SRGAP2: variants seen among roughly 807,000 people sequenced by gnomAD.
SRGAP2 encodes the protein SLIT-ROBO Rho GTPase activating protein 2.
Under a neutral mutation model 57.2 loss-of-function variants are expected in SRGAP2, and 15 were observed. That is an observed-to-expected ratio of 0.26 (90% CI 0.18 to 0.40). The LOEUF (loss-of-function observed/expected upper bound fraction) is 0.40, where lower values mean the gene tolerates loss of function less well. Ranked by LOEUF, SRGAP2 falls within the 10% of genes least tolerant of loss-of-function variation. The pLI, the probability that SRGAP2 is intolerant of heterozygous loss-of-function variation, is 1.00. For missense variants in SRGAP2, 520 were observed against 669.6 expected (o/e 0.78, Z 2.47); for synonymous variants, 249 against 248.0 (o/e 1.00, Z -0.04).
intron 2 of SRGAP2, among the ~76,000 whole-genome samples, chr1:206,283,504 T>C (rs1670848362): frequency 6.6e-6 from 1 of 150,980 alleles, no homozygotes. Flanking sequence ...TGTAACCCCA[T>C]CTCTACTAAA....
chr1:206,393,536 C>T lies in SRGAP2; in HGVS notation c.703-9C>T, dbSNP rs377521013. 2.4e-3 allele frequency: 1,834 copies of T among 778,448 alleles called. 24 individuals are homozygous for T. The African/African-American group carries it at 0.028, about 12-fold the overall frequency. 48.2% of individuals were successfully genotyped at this position (778,448 alleles called of 1,614,324 possible). On this transcript the variant is annotated splice_polypyrimidine_tract_variant and intron_variant, in intron 6 of 22. Coordinates refer to ENST00000573034, the MANE Select transcript of SRGAP2 (RefSeq NM_015326.5). The stretch of plus-strand genomic sequence containing the variant: ...AAAAGGTAAAAGTGAACTTCTGTTT[C>T]CTTTTCAGCGTCAAGCCAAGTACAC...
intron 4 of SRGAP2, among the ~76,000 whole-genome samples, chr1:206,373,158 C>CA (rs1654878166): frequency 7.4e-6 from 1 of 135,680 alleles, no homozygotes; most frequent in Non-Finnish European, 1.5e-5. Context: ...GGCAGTAGTG[C>CA]AATCTCAGCT....
At chr1:206,415,512 G>A (rs1184153780) in intron 10 of SRGAP2, among the ~76,000 whole-genome samples, 1 of 152,180 alleles carries the variant, frequency 6.6e-6, no homozygotes, top group African/African-American at 2.4e-5. Context: ...GAGGGGCCAG[G>A]GCAGGGTGGG....
intron 14 of SRGAP2, among the ~76,000 whole-genome samples, chr1:206,434,549 G>T (rs1055476718): frequency 1.3e-5 from 2 of 152,176 alleles, no homozygotes; most frequent in Admixed American, 1.3e-4. Flanking sequence ...GTTATGTAAG[G>T]ATTCGCCTGC....
intron 21 of SRGAP2, among the ~76,000 whole-genome samples, chr1:206,457,643 C>T (rs1553378895): frequency 6.6e-6 from 1 of 152,184 alleles, no homozygotes; most frequent in Non-Finnish European, 1.5e-5. Flanking sequence ...GGTCCTGGGC[C>T]AGGCCCTGCA....
In SRGAP2 at chr1:206,462,499, C is replaced by T. The variant is rs1664333421; in HGVS notation, c.*1079C>T. ...TATCCTATTAAAAAATTAAATTCAG[C>T]TTTGCTAATCCAGAAATTGTTCCCA... On this transcript the variant is annotated 3_prime_UTR_variant, in exon 23 of 23. Transcript: ENST00000573034. 1 of 152,580 alleles carries T rather than the reference C, an allele frequency of 6.6e-6. No homozygotes were observed. The highest frequency in any genetic ancestry group is 2.4e-5 in the African/African-American group (1 of 41,426). 9.5% of individuals were successfully genotyped at this position (152,580 alleles called of 1,614,324 possible).
chr1:206,268,527 C>A (rs540134963), intron 2 of SRGAP2, among the ~76,000 whole-genome samples: 1 of 151,782 alleles, frequency 6.6e-6, no homozygotes, highest in African/African-American at 2.4e-5. Flanking sequence ...GATATATGTT[C>A]TGAAAAATAG....
chr1:206,239,828 CAT>C (rs1668101210), intron 2 of SRGAP2, among the ~76,000 whole-genome samples: 1 of 151,442 alleles, frequency 6.6e-6, no homozygotes, highest in Non-Finnish European at 1.5e-5. Flanking sequence ...AGTTTTTCCA[CAT>C]GTCTGCAACA....
intron 11 of SRGAP2, among the ~76,000 whole-genome samples, chr1:206,417,260 C>T (rs550440038): frequency 7.7e-4 from 117 of 151,746 alleles, no homozygotes; most frequent in African/African-American, 2.3e-3. Flanking sequence ...CGTGCCACCA[C>T]GCCTGGGTAA....
intron 2 of SRGAP2, among the ~76,000 whole-genome samples, chr1:206,209,554 C>G (rs528620940): frequency 9.9e-5 from 15 of 152,164 alleles, no homozygotes; most frequent in Non-Finnish European, 2.1e-4. Flanking sequence ...TAAAAACCAT[C>G]ATTGTTTCTG....
rs370158405 is a variant in SRGAP2 at position 206,353,830 on chromosome 1, C to T, written c.423+10822C>T. 5.1e-4 allele frequency among the ~76,000 whole-genome samples: 66 copies of T among 129,258 alleles called. No individual in the cohort carries two copies. The East Asian group carries it at 0.012, about 23-fold the overall frequency. The allele number at this position is 129,258 out of a possible 152,430, so 84.8% of individuals were successfully genotyped here. A position where few individuals can be genotyped will look rare whatever the true frequency, so the allele number is the denominator to read the frequency against. ...TTTTTTTTTTTTTGAGATGGAGACT[C>T]ACTTTGTCACCCAGGTTGGAGTACA... On this transcript the variant is annotated intron_variant, in intron 4 of 22. Coordinates refer to ENST00000573034, the MANE Select transcript of SRGAP2 (RefSeq NM_015326.5).
At chr1:206,291,307 T>C (rs1489883218) in intron 2 of SRGAP2, among the ~76,000 whole-genome samples, 4 of 152,292 alleles carry the variant, frequency 2.6e-5, no homozygotes, top group Non-Finnish European at 5.9e-5. Flanking sequence ...TGAACCTCAG[T>C]GGTCCCTCGT....
intron 10 of SRGAP2, among the ~76,000 whole-genome samples, chr1:206,410,922 G>A (rs111577909): frequency 0.013 from 1,945 of 152,240 alleles, 43 homozygotes; most frequent in African/African-American, 0.044. Context: ...GTGCAATGGT[G>A]CAATCTGGGC....
chr1:206,285,761 G>A (rs1466959456), intron 2 of SRGAP2, among the ~76,000 whole-genome samples: 12 of 151,934 alleles, frequency 7.9e-5, no homozygotes, highest in Admixed American at 2.0e-4. Flanking sequence ...TTTGCCTTGT[G>A]GGCTCAAGCG....
At position 206,292,418 on chromosome 1, in the gene SRGAP2, A is replaced by G. The variant is rs1356098280; in HGVS notation, c.68-10863A>G. On this transcript the variant is annotated intron_variant, in intron 2 of 22. Coordinates refer to ENST00000573034, the MANE Select transcript of SRGAP2 (RefSeq NM_015326.5). ...TGTCAGGCTGGTGCATCAACAACAT[A>G]TGAAGGCCCAGGAACAGCCATTGCA... 8.7e-4 allele frequency among the ~76,000 whole-genome samples: 132 copies of G among 152,136 alleles called. 1 individual carries two copies. The highest frequency in any genetic ancestry group is 8.5e-4 in the Non-Finnish European group (58 of 68,002).
rs782234215 is a variant in SRGAP2 at position 206,419,394 on chromosome 1, T to C, written c.1463T>C (p.Leu488Pro). Residue 488 changes from leucine (L) to proline (P), a missense_variant, in exon 12 of 23, where the codon CTA becomes CCA. Coordinates refer to ENST00000573034, the MANE Select transcript of SRGAP2 (RefSeq NM_015326.5). The part of the protein sequence containing the change: ...LGESQRTDCS[L>P]ARRSSTVRKQ... ...ACAGGTCAGCGGACAGATTGCAGTC[T>C]AGCCAGGTGAGTGTGGCCTGGGACA... 3.5e-5 allele frequency: 27 copies of C among 780,720 alleles called. No homozygotes were observed. In the South Asian group the frequency reaches 3.6e-4, roughly 10 times the overall value. 48.4% of individuals were successfully genotyped at this position (780,720 alleles called of 1,614,324 possible).
intron 4 of SRGAP2, among the ~76,000 whole-genome samples, chr1:206,355,173 T>C (rs1676342374): frequency 6.6e-6 from 1 of 152,238 alleles, no homozygotes; most frequent in Admixed American, 6.5e-5. Context: ...AAGTGTACTT[T>C]AATCTAGTAT....
chr1:206,455,321 A>G, intron 21 of SRGAP2: 2 of 409,196 alleles, frequency 4.9e-6, no homozygotes, highest in South Asian at 2.7e-5. Flanking sequence ...TACAGCTAAA[A>G]CTTTGACCAA....
intron 3 of SRGAP2, among the ~76,000 whole-genome samples, chr1:206,308,173 G>A (rs1384208109): frequency 2.0e-5 from 2 of 101,196 alleles, no homozygotes; most frequent in African/African-American, 8.1e-5. Context: ...TTCTGTGCTT[G>A]TACAAGGCAT....
Sources: allele counts gnomAD v4.1 joint callset (sites outside exome capture counted in the v4.1 genomes callset), GRCh38; gene constraint gnomAD v4.1.1; transcripts MANE v1.5; gene names NCBI Gene and HGNC (gene_info 2026-07-23, HGNC 2026-07-21).